Variants in CDYL2 observed in about 807,000 individuals in gnomAD.
CDYL2 encodes chromodomain Y like 2.
Under a neutral mutation model 49.4 loss-of-function variants are expected in CDYL2, and 23 were observed. The observed-to-expected ratio is 0.47, with a 90% CI of 0.34 to 0.66. CDYL2 has a LOEUF of 0.66. CDYL2 is among the 30% of genes least tolerant of loss of function. The probability of loss-of-function intolerance (pLI) is 0.01; values close to 1 mark genes in which losing one functional copy is unlikely to be tolerated. For synonymous variants in CDYL2, 360 were observed against 268.8 expected (o/e 1.34, Z -3.32); for missense variants, 678 against 656.4 (o/e 1.03, Z -0.36).
chr16:80,685,159 CAG>C (rs776260685), intron 1 of CDYL2, 30 bp from the exon 2 acceptor site: 15 of 1,555,426 alleles, frequency 9.6e-6, no homozygotes, highest in South Asian at 5.9e-5. Context: ...GGTCAGAAAA[CAG>C]AGAGAGAGGG....
At chr16:80,789,377 G>T (rs189110749) in intron 1 of CDYL2, among the ~76,000 whole-genome samples, 2 of 152,136 alleles carry the variant, frequency 1.3e-5, no homozygotes, top group Non-Finnish European at 2.9e-5. Context: ...CCGAGGGGGT[G>T]GATCACGAGG....
At chr16:80,610,766 T>C (rs11150296) in intron 5 of CDYL2, among the ~76,000 whole-genome samples, 55,077 of 151,972 alleles carry the variant, frequency 0.36, 12,752 homozygotes, top group African/African-American at 0.66. Flanking sequence ...AGCACTCGGC[T>C]TTTTCTCTGG....
Position 80,620,931 on chromosome 16 carries a change from A to G in CDYL2, c.839T>C (p.Met280Thr), listed in dbSNP as rs1266239560. ...GCAGAGCGCTCGCCGGACTTCTTTC[A>G]TGATCTGCCGGCAGAGATGAATTTG... ...SDNNALTPEIMKEVRRALCNA... is the reference protein window; with the variant it reads ...SDNNALTPEITKEVRRALCNA... The change falls in exon 4 of 7, where the codon ATG becomes ACG. Residue 280 changes from methionine (M) to threonine (T), a missense_variant. Physicochemically the swap from Met to Thr is moderately conservative, Grantham distance 81 (BLOSUM62 -1). This residue lies in a region of CDYL2 where 478 missense variants were observed against 427.0 expected (regional missense o/e 1.12). Transcript: ENST00000570137. The G allele has an allele frequency of 1.3e-6, 2 of 1,594,510 alleles. No individual in the cohort carries two copies. Among genetic ancestry groups the G allele is most frequent in the Non-Finnish European group, 8.6e-7 (1 of 1,167,088 alleles).
At chr16:80,763,470 G>C (rs943812581) in intron 1 of CDYL2, among the ~76,000 whole-genome samples, 11 of 151,824 alleles carry the variant, frequency 7.2e-5, no homozygotes, top group African/African-American at 2.7e-4. Flanking sequence ...AAAAAAGCCA[G>C]GCATGGTGGC....
intron 2 of CDYL2, among the ~76,000 whole-genome samples, chr16:80,644,470 A>T (rs897673899): frequency 6.6e-6 from 1 of 152,174 alleles, no homozygotes; most frequent in African/African-American, 2.4e-5. Context: ...CTCTACTTGT[A>T]CCAATTTCAT....
At chr16:80,729,788 T>C (rs1905269465) in intron 1 of CDYL2, among the ~76,000 whole-genome samples, 1 of 152,014 alleles carries the variant, frequency 6.6e-6, no homozygotes, top group Admixed American at 6.5e-5. Flanking sequence ...GAACTCAGGA[T>C]TAAGAAACTC....
chr16:80,681,532 T>C (rs983746815), intron 2 of CDYL2, among the ~76,000 whole-genome samples: 30 of 152,170 alleles, frequency 2.0e-4, no homozygotes, highest in African/African-American at 6.0e-4. Context: ...TCCAGGAACC[T>C]CAAACCACTC....
At chr16:80,662,300 T>C (rs976183195) in intron 2 of CDYL2, among the ~76,000 whole-genome samples, 4 of 152,322 alleles carry the variant, frequency 2.6e-5, no homozygotes, top group South Asian at 2.1e-4. Flanking sequence ...CTTGTGTGGC[T>C]TGAGACATCA....
intron 1 of CDYL2, among the ~76,000 whole-genome samples, chr16:80,727,137 C>T (rs186520896): frequency 1.3e-5 from 2 of 152,318 alleles, no homozygotes; most frequent in Admixed American, 6.5e-5. Context: ...CAGCTCCCAG[C>T]GTGAGTGACG....
At chr16:80,643,048 T>A (rs1908171762) in intron 2 of CDYL2, among the ~76,000 whole-genome samples, 1 of 152,210 alleles carries the variant, frequency 6.6e-6, no homozygotes, top group Admixed American at 6.5e-5. Flanking sequence ...AGTAAGTCCC[T>A]TCTGCCTATA....
At chr16:80,795,824 T>A (rs1907754900) in intron 1 of CDYL2, among the ~76,000 whole-genome samples, 1 of 152,210 alleles carries the variant, frequency 6.6e-6, no homozygotes, top group Admixed American at 6.5e-5. Context: ...TCATTACACA[T>A]GCATACATGT....
At chr16:80,637,505 G>A (rs955872657) in intron 2 of CDYL2, among the ~76,000 whole-genome samples, 4 of 152,048 alleles carry the variant, frequency 2.6e-5, no homozygotes, top group South Asian at 2.1e-4. Context: ...TAGAAAGTAC[G>A]AAAGAACTGG....
chr16:80,692,428 T>C (rs958770811), intron 1 of CDYL2, among the ~76,000 whole-genome samples: 1 of 152,174 alleles, frequency 6.6e-6, no homozygotes, highest in Non-Finnish European at 1.5e-5. Context: ...AGAAGATAAC[T>C]CATCTCTTAG....
At chr16:80,674,303 C>T (rs1006437648) in intron 2 of CDYL2, among the ~76,000 whole-genome samples, 1 of 151,974 alleles carries the variant, frequency 6.6e-6, no homozygotes, top group Non-Finnish European at 1.5e-5. Context: ...GAAATGGGGG[C>T]TGTCGAGGAA....
chr16:80,752,929 C>T (rs984582622), intron 1 of CDYL2, among the ~76,000 whole-genome samples: 2 of 152,088 alleles, frequency 1.3e-5, no homozygotes, highest in African/African-American at 4.8e-5. Context: ...ATATTGAAAG[C>T]TGAAATGCAA....
intron 2 of CDYL2, among the ~76,000 whole-genome samples, chr16:80,668,415 T>C (rs553793871): frequency 1.1e-3 from 163 of 151,414 alleles, no homozygotes; most frequent in African/African-American, 3.8e-3. Flanking sequence ...ATAATTCCTG[T>C]TCATCACTCA....
chr16:80,748,503 C>A (rs1285347838), intron 1 of CDYL2, among the ~76,000 whole-genome samples: 6 of 73,252 alleles, frequency 8.2e-5, no homozygotes, highest in Admixed American at 1.6e-4. Flanking sequence ...AGCAAAACTC[C>A]ATTAAAAAAA....
At position 80,766,931 on chromosome 16, in the gene CDYL2, C is replaced by A. The variant is rs148844635; in HGVS notation, c.24+37219G>T. On this transcript the variant is annotated intron_variant, in intron 1 of 6. Coordinates refer to ENST00000570137, the MANE Select transcript of CDYL2 (RefSeq NM_152342.4). The stretch of plus-strand genomic sequence containing the variant: ...CAAATACTGACTCATTTCATTTTCA[C>A]AACAGCCCTAAGAAACAGGTACTAT... Among the ~76,000 whole-genome samples, 50 of 152,308 alleles carry A rather than the reference C, an allele frequency of 3.3e-4. 2 individuals carry two copies. In the East Asian group the frequency reaches 9.6e-3, roughly 29 times the overall value.
At chr16:80,776,776 T>C (rs1907097622) in intron 1 of CDYL2, among the ~76,000 whole-genome samples, 1 of 151,428 alleles carries the variant, frequency 6.6e-6, no homozygotes, top group Non-Finnish European at 1.5e-5. Flanking sequence ...CCAGGAAAAA[T>C]CAAACAACAT....
Sources: gnomAD v4.1 joint callset for allele counts (sites outside exome capture counted in the v4.1 genomes callset) on GRCh38, gnomAD v4.1.1 for gene constraint, gnomAD v4.1.1 regional missense constraint, MANE v1.5 for transcripts, NCBI Gene and HGNC (gene_info 2026-07-23, HGNC 2026-07-21) for gene names.